The following NDC1 variants were observed in gnomAD, a reference collection of about 807,000 sequenced individuals.
NDC1 encodes NDC1 transmembrane nucleoporin.
A neutral mutation model predicts 89.8 loss-of-function variants in NDC1; 24 were observed. The ratio of observed to expected loss-of-function variants is 0.27; its 90% CI spans 0.19 to 0.38. The LOEUF is 0.38. NDC1 is among the 10% of genes least tolerant of loss of function. NDC1 has a pLI of 1.00. For missense variants in NDC1, 728 were observed against 797.6 expected (o/e 0.91, Z 1.05); for synonymous variants, 296 against 284.8 (o/e 1.04, Z -0.39).
intron 16 of NDC1, among the ~76,000 whole-genome samples, chr1:53,775,296 A>G (rs151204704): frequency 1.0e-3 from 157 of 152,238 alleles, no homozygotes; most frequent in African/African-American, 3.7e-3. Context: ...TCACTCTGTC[A>G]CCCAGGCTGG....
intron 14 of NDC1, among the ~76,000 whole-genome samples, chr1:53,790,572 T>C (rs983906224): frequency 7.9e-5 from 12 of 151,160 alleles, no homozygotes; most frequent in African/African-American, 2.4e-4. Context: ...GCCTATGTGG[T>C]GGCGCACGCC....
At chr1:53,837,903 C>T (rs1318036109) in intron 1 of NDC1, among the ~76,000 whole-genome samples, 1 of 152,216 alleles carries the variant, frequency 6.6e-6, no homozygotes, top group Non-Finnish European at 1.5e-5. Flanking sequence ...TATTTTGCAC[C>T]TACTGGATAC....
At chr1:53,805,082 T>C (rs1557579176) in intron 9 of NDC1, among the ~76,000 whole-genome samples, 1 of 152,214 alleles carries the variant, frequency 6.6e-6, no homozygotes, top group Non-Finnish European at 1.5e-5. Context: ...CTCTAACAAA[T>C]TAGTTATAAT....
chr1:53,809,688 CACTT>C lies in NDC1; in HGVS notation c.755+3_755+6del, dbSNP rs1648237177. 6.3e-7 allele frequency: 1 copy of C among 1,595,262 alleles called. No homozygotes were observed. The highest frequency in any genetic ancestry group is 8.6e-7 in the Non-Finnish European group (1 of 1,164,306). On this transcript the variant is annotated splice_donor_5th_base_variant and intron_variant, in intron 7 of 17. Transcript: ENST00000371429. ...AGTTAAAATTAGACTTTTTAGGTAT[CACTT>C]ACTCATCTATGTGAAGGTTCATAGC... is the stretch of plus-strand genomic sequence containing the variant.
chr1:53,793,092 G>T, intron 14 of NDC1, 137 bp downstream of exon 14: 1 of 726,170 alleles, frequency 1.4e-6, no homozygotes, highest in Non-Finnish European at 2.4e-6. Context: ...CGGAGGTTCA[G>T]TGAAGCACTA....
At chr1:53,825,481 T>C (rs898555851) in intron 5 of NDC1, among the ~76,000 whole-genome samples, 4 of 131,018 alleles carry the variant, frequency 3.1e-5, no homozygotes, top group Non-Finnish European at 6.5e-5. Context: ...ACAGAGTACT[T>C]TGCATGAATG....
chr1:53,837,033 G>C (rs1289179181), intron 1 of NDC1, among the ~76,000 whole-genome samples: 1 of 152,142 alleles, frequency 6.6e-6, no homozygotes, highest in Non-Finnish European at 1.5e-5. Context: ...GCCAAAGGTG[G>C]CAACAACCCA....
At chr1:53,779,598 T>G (rs1364525784) in intron 16 of NDC1, among the ~76,000 whole-genome samples, 2 of 151,982 alleles carry the variant, frequency 1.3e-5, no homozygotes, top group African/African-American at 4.8e-5. Context: ...CTCCCAAAGG[T>G]AATCTAAAAG....
At chr1:53,779,362 T>C (rs1570160896) in intron 16 of NDC1, among the ~76,000 whole-genome samples, 1 of 149,470 alleles carries the variant, frequency 6.7e-6, no homozygotes, top group Non-Finnish European at 1.5e-5. Flanking sequence ...ATAACATACT[T>C]TTTTTTTTTA....
chr1:53,822,030 T>A (rs1204711759), intron 5 of NDC1, among the ~76,000 whole-genome samples: 1 of 152,202 alleles, frequency 6.6e-6, no homozygotes, highest in Non-Finnish European at 1.5e-5. Flanking sequence ...ATTTGTATTT[T>A]TTACACTCCT....
At chr1:53,798,770 G>T (rs1057490737) in intron 11 of NDC1, among the ~76,000 whole-genome samples, 1 of 152,000 alleles carries the variant, frequency 6.6e-6, no homozygotes, top group Admixed American at 6.6e-5. Flanking sequence ...GGCCAGGCTG[G>T]TCTCAAACTC....
chr1:53,827,888 C>A (rs1221612239), intron 4 of NDC1, 111 bp downstream of exon 4: 8 of 760,042 alleles, frequency 1.1e-5, no homozygotes, highest in Non-Finnish European at 7.7e-6. Context: ...GCAAAAAGCA[C>A]CTTTTGCAGA....
At chr1:53,777,897 T>C (rs553482169) in intron 16 of NDC1, among the ~76,000 whole-genome samples, 8 of 152,182 alleles carry the variant, frequency 5.3e-5, no homozygotes, top group African/African-American at 1.4e-4. Context: ...GTTGCTGTTG[T>C]TGGAGACGGG....
At chr1:53,773,095 C>CA (rs1210784686) in intron 16 of NDC1, among the ~76,000 whole-genome samples, 2,672 of 64,266 alleles carry the variant, frequency 0.042, 25 homozygotes, top group Middle Eastern at 0.081. Context: ...AAGACCTCAG[C>CA]AAAAAAAAAA....
At position 53,838,270 on chromosome 1, in the gene NDC1, CG is replaced by C; in HGVS notation, c.-10del. 6.5e-7 allele frequency: 1 copy of C among 1,536,442 alleles called. No homozygotes were observed. Among genetic ancestry groups the C allele is most frequent in the Non-Finnish European group, 8.7e-7 (1 of 1,145,084 alleles). ...CTCACGGCCGTGGCCATGGAGATGG[CG>C]GCCCCTAGTCTAGGGCGTACAGGAG... On this transcript the variant is annotated 5_prime_UTR_variant, in exon 1 of 18. Coordinates refer to ENST00000371429, the MANE Select transcript of NDC1 (RefSeq NM_018087.5).
chr1:53,837,688 C>G (rs1190105231), intron 1 of NDC1, among the ~76,000 whole-genome samples: 2 of 152,162 alleles, frequency 1.3e-5, no homozygotes, highest in African/African-American at 2.4e-5. Flanking sequence ...TCCTCTTTCT[C>G]TTTGCACTCC....
rs773054919 is a variant in NDC1, at chr1:53,796,675, C to A, written c.1584+14G>T. On this transcript the variant is annotated intron_variant, in intron 13 of 17. Transcript: ENST00000371429. The stretch of plus-strand genomic sequence containing the variant: ...TTACATGCAAATATAAATCCTATAA[C>A]CATATCATCCTACCTGTTCACGTTT... 6.6e-6 allele frequency: 10 copies of A among 1,509,184 alleles called. No individual in the cohort carries two copies. In the South Asian group the frequency reaches 1.2e-4, roughly 18 times the overall value. 93.5% of individuals were successfully genotyped at this position (1,509,184 alleles called of 1,614,324 possible). A position where few individuals can be genotyped will look rare whatever the true frequency, so the allele number is the denominator to read the frequency against.
intron 16 of NDC1, among the ~76,000 whole-genome samples, chr1:53,778,409 T>C (rs921699065): frequency 4.6e-5 from 7 of 152,194 alleles, no homozygotes; most frequent in Admixed American, 3.3e-4. Flanking sequence ...AGTTTTCCTT[T>C]ACTATAGTCA....
At chr1:53,786,602 CA>C (rs1237220555) in intron 16 of NDC1, among the ~76,000 whole-genome samples, 3 of 152,164 alleles carry the variant, frequency 2.0e-5, no homozygotes, top group Non-Finnish European at 4.4e-5. Context: ...TGTTTAATAC[CA>C]GGGGCATATC....
Sources: gnomAD v4.1 joint callset for allele counts (sites outside exome capture counted in the v4.1 genomes callset) on GRCh38, gnomAD v4.1.1 for gene constraint, MANE v1.5 for transcripts, NCBI Gene and HGNC (gene_info 2026-07-23, HGNC 2026-07-21) for gene names.